Variants in FBXW4 observed in about 807,000 individuals in gnomAD.
The protein encoded by FBXW4 is F-box and WD repeat domain containing 4, also known as F-box/WD repeat-containing protein 4.
Under a neutral mutation model 61.8 loss-of-function variants are expected in FBXW4, and 40 were observed. The observed-to-expected ratio is 0.65, with a 90% confidence interval of 0.50 to 0.84. The LOEUF is 0.84. Among genes scored for constraint, FBXW4 ranks in the 40% least tolerant of loss-of-function variants. The pLI, the probability that FBXW4 is intolerant of heterozygous loss-of-function variation, is 0.00. For synonymous variants in FBXW4, 311 were observed against 313.8 expected, an observed-to-expected ratio of 0.99 and a Z score of 0.10; for missense variants, 672 against 753.8, an observed-to-expected ratio of 0.89 and a Z score of 1.27.
chr10:101,612,299 G>A (rs1355447972), intron 7 of FBXW4, 38 bp downstream of exon 7: 1 of 1,494,440 alleles, frequency 6.7e-7, no homozygotes. Flanking sequence ...ATTGGTGCAG[G>A]GCCCCCACCA....
intron 6 of FBXW4, among the ~76,000 whole-genome samples, chr10:101,624,107 C>T (rs2134816561): frequency 6.6e-6 from 1 of 152,178 alleles, no homozygotes; most frequent in African/African-American, 2.4e-5. Context: ...CACACACACA[C>T]ACACACACAC....
chr10:101,657,889 G>T (rs528544987), intron 5 of FBXW4, among the ~76,000 whole-genome samples: 7 of 152,274 alleles, frequency 4.6e-5, no homozygotes, highest in African/African-American at 1.7e-4. Context: ...ATGATTCATA[G>T]GGTCTCTATA....
chr10:101,694,605 C>G lies in FBXW4; in HGVS notation c.501G>C (p.Glu167Asp). 1.4e-6 allele frequency: 2 copies of G among 1,426,484 alleles called. No individual in the cohort carries two copies. The highest frequency in any genetic ancestry group is 1.8e-6 in the Non-Finnish European group (2 of 1,097,574). The allele number at this position is 1,426,484 out of a possible 1,614,324, so 88.4% of individuals were successfully genotyped here. ...AAAAGEEEEE[E>D]EAARESAARP... is the part of the protein sequence containing the mutation. ...GGGCAGCCGACTCCCGAGCCGCCTC[C>G]TCCTCCTCCTCCTCCTCCCCGGCCG... is the stretch of plus-strand genomic sequence containing the variant. The change falls in exon 1 of 9, where the codon GAG (glutamate) becomes GAC (aspartate). Residue 167 changes from glutamate to aspartate, a missense_variant. Glu to Asp is a conservative substitution (Grantham distance 45, BLOSUM62 2). Around this residue, in one of 5 missense-constraint regions of FBXW4, gnomAD observed 311 missense variants for 301.1 expected, o/e 1.03. Transcript: ENST00000331272. The surrounding 1 kb of genome is among the most constrained non-coding windows in gnomAD (Gnocchi z 6.0).
intron 5 of FBXW4, among the ~76,000 whole-genome samples, chr10:101,647,524 A>AT (rs978954935): frequency 3.9e-5 from 6 of 151,948 alleles, no homozygotes; most frequent in African/African-American, 1.5e-4. Flanking sequence ...TTTGGAATCG[A>AT]TTTTTTTTCC....
chr10:101,693,021 A>G (rs1177649114), intron 1 of FBXW4, among the ~76,000 whole-genome samples: 1 of 152,242 alleles, frequency 6.6e-6, no homozygotes, highest in Non-Finnish European at 1.5e-5. Context: ...CCAGTAATAA[A>G]TGGGCAAAGA....
At chr10:101,614,594 C>T (rs1444506585) in intron 6 of FBXW4, among the ~76,000 whole-genome samples, 1 of 152,262 alleles carries the variant, frequency 6.6e-6, no homozygotes, top group African/African-American at 2.4e-5. Flanking sequence ...AGAGCCCCTG[C>T]TCTGCCCGCA....
chr10:101,658,173 C>A (rs1192749229), intron 5 of FBXW4, among the ~76,000 whole-genome samples: 1 of 152,134 alleles, frequency 6.6e-6, no homozygotes, highest in Non-Finnish European at 1.5e-5. Context: ...TAGCTGGCAC[C>A]ATGTACTGCC....
intron 5 of FBXW4, among the ~76,000 whole-genome samples, chr10:101,657,398 CA>C (rs2064195954): frequency 6.6e-6 from 1 of 152,082 alleles, no homozygotes; most frequent in South Asian, 2.1e-4. Flanking sequence ...TTTGGGAGGC[CA>C]AGGTGGATGG....
intron 6 of FBXW4, among the ~76,000 whole-genome samples, chr10:101,617,998 G>A (rs1053359319): frequency 6.6e-6 from 1 of 152,256 alleles, no homozygotes; most frequent in African/African-American, 2.4e-5. Context: ...CCAGGCCCCT[G>A]CACAAGGTGG....
Position 101,633,318 on chromosome 10 carries a change from G to T in FBXW4, c.1236-8508C>A, listed in dbSNP as rs548224337. ...CTATAAAGGGGACATCAATGAAGCT[G>T]GAAACCATCATTCTCAGCAAACTAA... On this transcript the variant is annotated intron_variant, in intron 5 of 8. Transcript: ENST00000331272. Among the ~76,000 whole-genome samples, 4 of 152,276 alleles carry T rather than the reference G, an allele frequency of 2.6e-5. No homozygotes were observed. In the South Asian group the frequency reaches 8.3e-4, roughly 32 times the overall value.
At chr10:101,686,195 T>C (rs2064531649) in intron 1 of FBXW4, among the ~76,000 whole-genome samples, 1 of 152,174 alleles carries the variant, frequency 6.6e-6, no homozygotes, top group South Asian at 2.1e-4. Flanking sequence ...AGTATGTGTG[T>C]TCTGCAAGAT....
chr10:101,680,870 C>G (rs1014861402), intron 1 of FBXW4, among the ~76,000 whole-genome samples: 1 of 152,134 alleles, frequency 6.6e-6, no homozygotes, highest in African/African-American at 2.4e-5. Context: ...ATATTTATAG[C>G]TGCAGCTATA....
In FBXW4 at chr10:101,694,203, A is replaced by C. The variant is rs1328654078; in HGVS notation, c.725+178T>G. On this transcript the variant is annotated intron_variant, in intron 1 of 8. Transcript: ENST00000331272. This position sits in a 1 kb window ranked among gnomAD's most constrained non-coding sequence, Gnocchi z 6.0. Reference sequence around the variant, plus strand: ...GCTGCCTCAGATGGAGGCCTTGGGGAGGAGGGGCAAAGGGGTCCCCGAGAG... The same window carrying C: ...GCTGCCTCAGATGGAGGCCTTGGGGCGGAGGGGCAAAGGGGTCCCCGAGAG... Among the ~76,000 whole-genome samples the C allele has an allele frequency of 6.6e-6, 1 of 151,886 alleles. No homozygotes were observed. The highest frequency in any genetic ancestry group is 1.5e-5 in the Non-Finnish European group (1 of 67,918).
intron 5 of FBXW4, among the ~76,000 whole-genome samples, chr10:101,640,024 T>A (rs2064037589): frequency 6.6e-6 from 1 of 152,232 alleles, no homozygotes; most frequent in Admixed American, 6.5e-5. Context: ...CAACTGAATG[T>A]CCTCACTGAG....
chr10:101,661,364 A>G (rs568004799), intron 5 of FBXW4, among the ~76,000 whole-genome samples: 1 of 152,288 alleles, frequency 6.6e-6, no homozygotes, highest in South Asian at 2.1e-4. Context: ...GTCTTGAGGA[A>G]TTGAAACCCA....
intron 6 of FBXW4, among the ~76,000 whole-genome samples, chr10:101,619,635 G>A (rs1279020383): frequency 6.6e-6 from 1 of 151,730 alleles, no homozygotes; most frequent in Non-Finnish European, 1.5e-5. Context: ...CTCCACCCTG[G>A]GTAATAGAGC....
rs767049873 is a variant in FBXW4 at position 101,694,405 on chromosome 10, C to T, written c.701G>A (p.Gly234Asp). Residue 234 changes from glycine (G) to aspartate (D), a missense_variant, in exon 1 of 9, where the codon GGC (glycine) becomes GAC (aspartate). Gly to Asp is a moderately conservative substitution (Grantham distance 94). Around this residue, in one of 5 missense-constraint regions of FBXW4, gnomAD observed 311 missense variants for 301.1 expected, o/e 1.03. Transcript: ENST00000331272. The surrounding 1 kb of genome is among the most constrained non-coding windows in gnomAD (Gnocchi z 6.0). ...RRIARASLNS[G>D]FTRLGTDLMT... ...CAGGTCGGTGCCGAGCCGCGTGAAG[C>T]CGGAGTTGAGCGAGGCCCGGGCTAT... 2 of 1,495,154 alleles carry T rather than the reference C, an allele frequency of 1.3e-6. No individual in the cohort carries two copies. The highest frequency in any genetic ancestry group is 2.3e-5 in the Admixed American group (1 of 44,436). The allele number at this position is 1,495,154 out of a possible 1,614,324, so 92.6% of individuals were successfully genotyped here. A position where few individuals can be genotyped will look rare whatever the true frequency, so the allele number is the denominator to read the frequency against.
At chr10:101,612,576 C>T (rs931463635) in intron 6 of FBXW4, 99 bp from the exon 7 acceptor site, 158 of 1,305,882 alleles carry the variant, frequency 1.2e-4, no homozygotes, top group South Asian at 9.1e-4. Flanking sequence ...TGTTCTCTTT[C>T]CTCAGCTAGA....
chr10:101,683,372 C>T (rs2064499629), intron 1 of FBXW4, among the ~76,000 whole-genome samples: 1 of 152,250 alleles, frequency 6.6e-6, no homozygotes, highest in Non-Finnish European at 1.5e-5. Flanking sequence ...TTGCCTCAGG[C>T]TCATTTTTCC....
Sources: gnomAD v4.1 joint callset for allele counts (sites outside exome capture counted in the v4.1 genomes callset) on GRCh38, gnomAD v4.1.1 for gene constraint, gnomAD v4.1.1 regional missense constraint, Gnocchi (gnomAD v3.1) non-coding constraint, MANE v1.5 for transcripts, NCBI Gene and HGNC (gene_info 2026-07-23, HGNC 2026-07-21) for gene names.